Variants in PHYHIPL observed in about 807,000 individuals in gnomAD.
The protein encoded by PHYHIPL is phytanoyl-CoA hydroxylase-interacting protein-like.
A neutral mutation model predicts 33.4 loss-of-function variants in PHYHIPL; 9 were observed. The ratio of observed to expected loss-of-function variants is 0.27; its 90% confidence interval spans 0.16 to 0.47. PHYHIPL has a LOEUF of 0.47. Among genes scored for constraint, PHYHIPL ranks in the 20% least tolerant of loss-of-function variants. The pLI is 0.99. For synonymous variants in PHYHIPL, 153 were observed against 154.1 expected (o/e 0.99, Z 0.05); for missense variants, 365 against 460.7 (o/e 0.79, Z 1.90).
At chr10:59,237,380 A>G (rs141807772) in intron 3 of PHYHIPL, among the ~76,000 whole-genome samples, 58 of 152,042 alleles carry the variant, frequency 3.8e-4, no homozygotes, top group African/African-American at 1.4e-3. Flanking sequence ...CCATATCTCT[A>G]CCTGAGTACT....
chr10:59,227,535 A>G (rs184578360), intron 1 of PHYHIPL, among the ~76,000 whole-genome samples: 181 of 152,278 alleles, frequency 1.2e-3, no homozygotes, highest in African/African-American at 4.1e-3. Context: ...GGGACAAACC[A>G]TAGCAATATA....
At chr10:59,211,397 A>G (rs1384098825) in intron 1 of PHYHIPL, among the ~76,000 whole-genome samples, 1 of 151,958 alleles carries the variant, frequency 6.6e-6, no homozygotes, top group Non-Finnish European at 1.5e-5. Context: ...TTTGTTTGAG[A>G]TGGAGTTTCA....
intron 1 of PHYHIPL, among the ~76,000 whole-genome samples, chr10:59,232,038 C>G (rs10740768): frequency 0.99 from 150,307 of 152,150 alleles, 74,270 homozygotes; most frequent in Middle Eastern, 1. Flanking sequence ...CTATGTGTTA[C>G]AATCTAAGAT....
intron 1 of PHYHIPL, among the ~76,000 whole-genome samples, chr10:59,226,997 C>CT (rs1839945365): frequency 6.6e-6 from 1 of 151,816 alleles, no homozygotes; most frequent in Non-Finnish European, 1.5e-5. Context: ...AAAAGATGCA[C>CT]CTAAAAAGTT....
rs1332661861 is a variant in PHYHIPL at position 59,236,651 on chromosome 10, AC to A, written c.474del (p.Ala159GlnfsTer8). The A allele has an allele frequency of 6.2e-7, 1 of 1,600,074 alleles. No homozygotes were observed. Among genetic ancestry groups the A allele is most frequent in the Non-Finnish European group, 8.5e-7 (1 of 1,173,618 alleles). On this transcript the variant is annotated frameshift_variant, in exon 3 of 5. Coordinates refer to ENST00000373880, the MANE Select transcript of PHYHIPL (RefSeq NM_032439.4). LOFTEE classifies it high-confidence loss of function. ...SEWSEIIEFC[T>X]ADYSKVHLTQ... The stretch of plus-strand genomic sequence containing the variant: ...ATGGAGTGAAATTATAGAATTCTGC[AC>A]CGCAGGTAAGAGAACTAGGTACAAA...
chr10:59,230,714 G>A (rs948475822), intron 1 of PHYHIPL, among the ~76,000 whole-genome samples: 1 of 152,104 alleles, frequency 6.6e-6, no homozygotes, highest in African/African-American at 2.4e-5. Flanking sequence ...ATGTGCCCAA[G>A]GTGGTCAGGG....
chr10:59,204,323 A>G (rs1839223905), intron 1 of PHYHIPL, among the ~76,000 whole-genome samples: 1 of 136,502 alleles, frequency 7.3e-6, no homozygotes, highest in Admixed American at 6.8e-5. Context: ...ATTAGGGTAG[A>G]TGGTATTGAG....
chr10:59,176,551 A>ATT (rs1564697346), upstream of PHYHIPL: 3 of 218,662 alleles, frequency 1.4e-5, no homozygotes, highest in African/African-American at 6.9e-5. Flanking sequence ...CGCGCGTCGA[A>ATT]GCCCTATACA....
intron 1 of PHYHIPL, among the ~76,000 whole-genome samples, chr10:59,220,891 A>C (rs1839752398): frequency 6.6e-6 from 1 of 152,080 alleles, no homozygotes; most frequent in Non-Finnish European, 1.5e-5. Context: ...TAATTGATAA[A>C]TATGATAACT....
At chr10:59,217,396 ATAAC>A (rs1403297627) in intron 1 of PHYHIPL, among the ~76,000 whole-genome samples, 3 of 152,028 alleles carry the variant, frequency 2.0e-5, no homozygotes, top group Non-Finnish European at 2.9e-5. Context: ...TAATTTGTCA[ATAAC>A]TATTATGTAT....
chr10:59,193,676 C>T (rs1378433229), intron 1 of PHYHIPL, among the ~76,000 whole-genome samples: 1 of 151,934 alleles, frequency 6.6e-6, no homozygotes, highest in Non-Finnish European at 1.5e-5. Flanking sequence ...ATAAACCTTC[C>T]ATTTTAATAA....
At chr10:59,174,717 A>G (rs1004561786), upstream of PHYHIPL, among the ~76,000 whole-genome samples, 1 of 152,202 alleles carries the variant, frequency 6.6e-6, no homozygotes, top group Non-Finnish European at 1.5e-5. Flanking sequence ...CCTTTTTAAT[A>G]ATTTCTCATT....
intron 1 of PHYHIPL, among the ~76,000 whole-genome samples, chr10:59,233,205 C>A (rs553872353): frequency 6.6e-6 from 1 of 151,912 alleles, no homozygotes; most frequent in African/African-American, 2.4e-5. Flanking sequence ...TCAGATGAGA[C>A]AACATGGGTC....
chr10:59,246,672 A>G lies in PHYHIPL; in HGVS notation c.*1081A>G, dbSNP rs974790427. The G allele has an allele frequency of 5.0e-6, 2 of 397,514 alleles. No individual in the cohort carries two copies. The highest frequency in any genetic ancestry group is 2.1e-5 in the African/African-American group (1 of 48,610). The allele number at this position is 397,514 out of a possible 1,614,324, so 24.6% of individuals were successfully genotyped here. A position where few individuals can be genotyped will look rare whatever the true frequency, so the allele number is the denominator to read the frequency against. ...AAGGTATCAGGGCAAACAATTTCCA[A>G]ACTTTTCATTTTGTACAGAAGGATG... is the stretch of plus-strand genomic sequence containing the variant. On this transcript the variant is annotated 3_prime_UTR_variant, in exon 5 of 5. Coordinates refer to ENST00000373880, the MANE Select transcript of PHYHIPL (RefSeq NM_032439.4).
chr10:59,244,855 A>G (rs146043892), intron 4 of PHYHIPL, among the ~76,000 whole-genome samples: 147 of 152,298 alleles, frequency 9.7e-4, no homozygotes, highest in African/African-American at 3.2e-3. Context: ...GGCTTGTAGC[A>G]GCTCATCCTT....
At chr10:59,232,776 T>G (rs562295295) in intron 1 of PHYHIPL, among the ~76,000 whole-genome samples, 1 of 151,922 alleles carries the variant, frequency 6.6e-6, no homozygotes, top group Non-Finnish European at 1.5e-5. Context: ...GTTCAGAAAG[T>G]TTTTCGTTAC....
rs372690982 is a variant in PHYHIPL, at chr10:59,247,398, T to C, written c.*1807T>C. On this transcript the variant is annotated 3_prime_UTR_variant, in exon 5 of 5. Transcript: ENST00000373880. ...GCTTGGCATGGAGGACACTGAATTT[T>C]TTCCCAATTATATGGCTACCTGTTG... The C allele has an allele frequency of 9.1e-5, 49 of 536,794 alleles. 1 individual carries two copies. In the East Asian group the frequency reaches 1.2e-3, roughly 14 times the overall value. 33.3% of individuals were successfully genotyped at this position (536,794 alleles called of 1,614,324 possible).
Position 59,238,696 on chromosome 10 carries a change from A to G in PHYHIPL, c.587A>G (p.Asp196Gly). The G allele has an allele frequency of 6.4e-7, 1 of 1,572,354 alleles. No individual in the cohort carries two copies. Among genetic ancestry groups the G allele is most frequent in the Non-Finnish European group, 8.7e-7 (1 of 1,142,942 alleles). The change falls in exon 4 of 5, where the codon GAC (aspartate) becomes GGC (glycine). Residue 196 changes from aspartate to glycine, a missense_variant. Physicochemically the swap from Asp to Gly is moderately conservative, Grantham distance 94. Around this residue, in one of 4 missense-constraint regions of PHYHIPL, gnomAD observed 196 missense variants for 224.9 expected, o/e 0.87. Coordinates refer to ENST00000373880, the MANE Select transcript of PHYHIPL (RefSeq NM_032439.4). ...FYRNQHKEYF[D>G]YVREHHGNAM... ...CGTAATCAGCACAAAGAATATTTTG[A>G]CTATGTTCGGTAAGATTCAAAAATA...
chr10:59,232,997 G>A (rs1840121965), intron 1 of PHYHIPL, among the ~76,000 whole-genome samples: 1 of 151,894 alleles, frequency 6.6e-6, no homozygotes, highest in Non-Finnish European at 1.5e-5. Flanking sequence ...TATGCGACCT[G>A]ATGGGGAGGA....
Sources: allele counts gnomAD v4.1 joint callset (sites outside exome capture counted in the v4.1 genomes callset), GRCh38; gene constraint gnomAD v4.1.1; regional missense constraint gnomAD v4.1.1; transcripts MANE v1.5; gene names NCBI Gene and HGNC (gene_info 2026-07-23, HGNC 2026-07-21).